The following UCHL3 variants were observed in gnomAD, a reference collection of about 807,000 sequenced individuals.
UCHL3 encodes the protein ubiquitin C-terminal hydrolase L3.
In UCHL3, 22 loss-of-function variants were observed where a neutral mutation model predicts 35.8. The observed-to-expected ratio is 0.61, with a 90% CI of 0.44 to 0.88. The LOEUF (loss-of-function observed/expected upper bound fraction) is 0.88. Among genes scored for constraint, UCHL3 ranks in the 40% least tolerant of loss-of-function variants. The pLI is 0.00. For synonymous variants in UCHL3, 90 were observed against 92.8 expected (o/e 0.97, Z 0.17); for missense variants, 229 against 276.9 (o/e 0.83, Z 1.23).
chr13:75,572,800 G>A (rs893929606), intron 6 of UCHL3, among the ~76,000 whole-genome samples: 4 of 152,024 alleles, frequency 2.6e-5, no homozygotes, highest in East Asian at 1.9e-4. Flanking sequence ...TTTTTTGTGC[G>A]GGACTGTTTT....
intron 2 of UCHL3, among the ~76,000 whole-genome samples, chr13:75,552,625 A>T (rs1366322068): frequency 6.6e-6 from 1 of 152,240 alleles, no homozygotes; most frequent in Non-Finnish European, 1.5e-5. Flanking sequence ...ATACTGTGTT[A>T]TGCTACAGGT....
At chr13:75,569,738 T>C (rs962375942) in intron 6 of UCHL3, among the ~76,000 whole-genome samples, 2 of 152,258 alleles carry the variant, frequency 1.3e-5, no homozygotes, top group African/African-American at 4.8e-5. Context: ...GTTCATCTAA[T>C]CATTTAGAGA....
Position 75,605,784 on chromosome 13 carries a change from T to A in UCHL3, c.665T>A (p.Phe222Tyr), listed in dbSNP as rs1177932981. ...GAGCGCGACCCTGATGAACTAAGAT[T>A]TAATGCGATTGCTCTTTCTGCAGCA... is the stretch of plus-strand genomic sequence containing the variant. ...FMERDPDELR[F>Y]NAIALSAA The change falls in exon 9 of 9, where the codon TTT (phenylalanine) becomes TAT (tyrosine). Residue 222 changes from phenylalanine (F) to tyrosine (Y), a missense_variant. By Grantham distance (22) the Phe-to-Tyr change is conservative. Transcript: ENST00000377595. The A allele has an allele frequency of 1.2e-6, 2 of 1,614,072 alleles. No homozygotes were observed. The highest frequency in any genetic ancestry group is 1.3e-5 in the African/African-American group (1 of 75,042).
chr13:75,562,537 A>G (rs534519688), intron 3 of UCHL3, among the ~76,000 whole-genome samples: 1 of 152,224 alleles, frequency 6.6e-6, no homozygotes, highest in East Asian at 1.9e-4. Context: ...AAATAATTGA[A>G]AAAAAAATCA....
rs1555276755 is a variant in UCHL3 at position 75,592,444 on chromosome 13, A to ATATACATATATATATATATGTATATATG, written c.475-2467_475-2466insCATATATATATATATGTATATATGTATA. Reference sequence around the variant, plus strand: ...TATATATATATATATATATATATATATATATATATATATATATATATATGA... The same window carrying ATATACATATATATATATATGTATATATG: ...TATATATATATATATATATATATATATATACATATATATATATATGTATATATGTATATATATATATATATATATATGA... On this transcript the variant is annotated intron_variant, in intron 6 of 8. Transcript: ENST00000377595. 2.0e-3 allele frequency among the ~76,000 whole-genome samples: 216 copies of ATATACATATATATATATATGTATATATG among 108,774 alleles called. 10 individuals carry two copies. Among genetic ancestry groups the ATATACATATATATATATATGTATATATG allele is most frequent in the South Asian group, 0.015 (53 of 3,496 alleles). The allele number at this position is 108,774 out of a possible 152,430, so 71.4% of individuals were successfully genotyped here.
At position 75,560,842 on chromosome 13, in the gene UCHL3, A is replaced by G. The variant is rs1804145204; in HGVS notation, c.144A>G (p.Pro48=). Residue 48 remains proline (P), a synonymous_variant, in exon 3 of 9, where the codon CCA becomes CCG. Transcript: ENST00000377595. ...DPELLSMVPR[P]VCAVLLLFPI... Reference sequence around the variant, plus strand: ...AACTCCTTAGCATGGTACCAAGACCAGTCTGTGCAGTCTTACTTCTCTTTC... The same window carrying G: ...AACTCCTTAGCATGGTACCAAGACCGGTCTGTGCAGTCTTACTTCTCTTTC... 6.5e-7 allele frequency: 1 copy of G among 1,541,268 alleles called. No homozygotes were observed. The highest frequency in any genetic ancestry group is 8.7e-7 in the Non-Finnish European group (1 of 1,154,504).
intron 6 of UCHL3, among the ~76,000 whole-genome samples, chr13:75,587,017 CAAA>C (rs3036429): frequency 1.0e-5 from 1 of 98,966 alleles, no homozygotes; most frequent in Admixed American, 1.1e-4. Flanking sequence ...CTTAAGGTAG[CAAA>C]AAAAAAAAAA....
chr13:75,565,316 A>G lies in UCHL3; in HGVS notation c.184-1379A>G, dbSNP rs188175793. ...ACTGAACCTTTCCAGTTTTTTATCAATCGAACTTACATGAATAATGTCCAT... is the reference window on the plus strand; with the variant it reads ...ACTGAACCTTTCCAGTTTTTTATCAGTCGAACTTACATGAATAATGTCCAT... On this transcript the variant is annotated intron_variant, in intron 3 of 8. Coordinates refer to ENST00000377595, the MANE Select transcript of UCHL3 (RefSeq NM_006002.5). Among the ~76,000 whole-genome samples, 65 of 152,318 alleles carry G rather than the reference A, an allele frequency of 4.3e-4. 1 individual carries two copies. The highest frequency in any genetic ancestry group is 3.9e-3 in the Admixed American group (59 of 15,302).
At chr13:75,592,423 T>TATATATACATATAC (rs1555276699) in intron 6 of UCHL3, among the ~76,000 whole-genome samples, 2 of 19,680 alleles carry the variant, frequency 1.0e-4, no homozygotes, top group African/African-American at 2.5e-4. Flanking sequence ...TTCATATATA[T>TATATATACATATAC]ATATATATAT....
chr13:75,581,347 CT>C (rs11310964), intron 6 of UCHL3, among the ~76,000 whole-genome samples: 85,139 of 134,864 alleles, frequency 0.63, 26,719 homozygotes, highest in Non-Finnish European at 0.68. Flanking sequence ...CACTTGATTT[CT>C]TTTTTTTTTT....
intron 6 of UCHL3, 84 bp downstream of exon 6, chr13:75,569,591 G>A: frequency 7.8e-7 from 1 of 1,289,664 alleles, no homozygotes; most frequent in Non-Finnish European, 1.1e-6. Context: ...TAGTATTATT[G>A]TAGGACATAA....
At chr13:75,584,240 A>G (rs778294546) in intron 6 of UCHL3, among the ~76,000 whole-genome samples, 2 of 152,270 alleles carry the variant, frequency 1.3e-5, no homozygotes, top group Non-Finnish European at 2.9e-5. Flanking sequence ...CCACAAGCCC[A>G]CCATTAGACT....
In UCHL3 at chr13:75,581,791, A is replaced by C. The variant is rs577425223; in HGVS notation, c.474+12284A>C. ...TATTTAAAAGTTTAAAGAGTAATTT[A>C]TTCATTTTTTGCTGTATAAAAAAGT... On this transcript the variant is annotated intron_variant, in intron 6 of 8. Coordinates refer to ENST00000377595, the MANE Select transcript of UCHL3 (RefSeq NM_006002.5). 9.8e-4 allele frequency among the ~76,000 whole-genome samples: 148 copies of C among 151,474 alleles called. 1 individual carries two copies. The highest frequency in any genetic ancestry group is 6.8e-3 in the Middle Eastern group (2 of 294).
At position 75,579,400 on chromosome 13, in the gene UCHL3, C is replaced by A. The variant is rs960017763; in HGVS notation, c.474+9893C>A. 2.0e-5 allele frequency among the ~76,000 whole-genome samples: 3 copies of A among 151,886 alleles called. No homozygotes were observed. The East Asian group carries it at 5.8e-4, about 29-fold the overall frequency. ...TCAACATGACTTAATCTTTTGGAGG[C>A]GATTTTATTTTATTTTATTTTTAAA... On this transcript the variant is annotated intron_variant, in intron 6 of 8. Transcript: ENST00000377595.
Position 75,567,256 on chromosome 13 carries a change from G to T in UCHL3, c.370G>T (p.Glu124Ter). 6.2e-7 allele frequency: 1 copy of T among 1,613,956 alleles called. No homozygotes were observed. Among genetic ancestry groups the T allele is most frequent in the South Asian group, 1.1e-5 (1 of 91,070 alleles). Residue 124 changes from glutamate to a stop codon, truncating the protein, a stop_gained, in exon 5 of 9, where the codon GAG becomes TAG. Transcript: ENST00000377595. LOFTEE classifies it high-confidence loss of function. ...ESGSTLKKFL[E>*]ESVSMSPEER... ...TGGATCAACCTTGAAAAAATTCCTG[G>T]AGGAATCTGTGTCAATGAGCCCTGA...
At chr13:75,552,322 T>G (rs1347355927) in intron 2 of UCHL3, among the ~76,000 whole-genome samples, 1 of 152,222 alleles carries the variant, frequency 6.6e-6, no homozygotes, top group African/African-American at 2.4e-5. Flanking sequence ...GAATAAACCC[T>G]AACAGCAATA....
intron 8 of UCHL3, chr13:75,605,087 A>C: frequency 1.5e-5 from 5 of 333,980 alleles, no homozygotes; most frequent in Non-Finnish European, 1.6e-5. Flanking sequence ...CCGAGATTTC[A>C]TCAAATCCAG....
chr13:75,595,762 C>T (rs1264129465), intron 7 of UCHL3, among the ~76,000 whole-genome samples: 1 of 148,096 alleles, frequency 6.8e-6, no homozygotes, highest in East Asian at 2.0e-4. Flanking sequence ...TGATTAGTTA[C>T]TTGGTATTTT....
At chr13:75,571,509 C>T (rs564118622) in intron 6 of UCHL3, among the ~76,000 whole-genome samples, 1 of 152,278 alleles carries the variant, frequency 6.6e-6, no homozygotes, top group Admixed American at 6.5e-5. Context: ...ATAGTTCCAC[C>T]ATACTTTTTC....
Sources: gnomAD v4.1 joint callset for allele counts (sites outside exome capture counted in the v4.1 genomes callset) on GRCh38, gnomAD v4.1.1 for gene constraint, MANE v1.5 for transcripts, NCBI Gene and HGNC (gene_info 2026-07-23, HGNC 2026-07-21) for gene names.